The following JPH1 variants were observed in gnomAD, a reference collection of about 807,000 sequenced individuals.
JPH1 encodes junctophilin 1.
In JPH1, 12 loss-of-function variants were observed where a neutral mutation model predicts 53.6. That is an observed-to-expected ratio of 0.22 (90% CI 0.14 to 0.36). The LOEUF is 0.36. Among genes scored for constraint, JPH1 ranks in the 10% least tolerant of loss-of-function variants. JPH1 has a pLI of 1.00. For synonymous variants in JPH1, 375 were observed against 363.8 expected (o/e 1.03, Z -0.35); for missense variants, 808 against 905.5 (o/e 0.89, Z 1.38).
chr8:74,300,931 G>GC (rs1218543285), intron 2 of JPH1, among the ~76,000 whole-genome samples: 3 of 151,972 alleles, frequency 2.0e-5, no homozygotes, highest in Admixed American at 1.3e-4. Context: ...AGCCTTACTG[G>GC]CCCCCCGCCC....
intron 2 of JPH1, among the ~76,000 whole-genome samples, chr8:74,304,706 A>G (rs1195689595): frequency 2.0e-5 from 3 of 152,242 alleles, no homozygotes; most frequent in African/African-American, 7.2e-5. Context: ...TATTGATTCA[A>G]TATAGTAAAA....
At position 74,259,451 on chromosome 8, in the gene JPH1, C is replaced by G; in HGVS notation, c.1192G>C (p.Ala398Pro). The G allele has an allele frequency of 6.2e-7, 1 of 1,613,286 alleles. No homozygotes were observed. Among genetic ancestry groups the G allele is most frequent in the Non-Finnish European group, 8.5e-7 (1 of 1,179,614 alleles). ...CTCGCGATGTCGCACTCCTGGCGAG[C>G]GGCCAGCGCGGCCTGGTCGGCGGCA... ...ADAADQAALA[A>P]RQECDIARAV... The change falls in exon 3 of 6, where the codon GCT (alanine) becomes CCT (proline). Residue 398 changes from alanine (A) to proline (P), a missense_variant. By Grantham distance (27) the Ala-to-Pro change is conservative. Coordinates refer to ENST00000342232, the MANE Select transcript of JPH1 (RefSeq NM_020647.4).
chr8:74,277,691 A>T (rs1806887605), intron 2 of JPH1, among the ~76,000 whole-genome samples: 1 of 152,232 alleles, frequency 6.6e-6, no homozygotes, highest in African/African-American at 2.4e-5. Context: ...GAATAGTGGT[A>T]GAACCCACCT....
chr8:74,317,932 T>G (rs1481838903), intron 1 of JPH1, among the ~76,000 whole-genome samples: 2 of 152,170 alleles, frequency 1.3e-5, no homozygotes, highest in African/African-American at 4.8e-5. Context: ...AAGTCTCTGC[T>G]TAACTGTCAA....
intron 4 of JPH1, 67 bp downstream of exon 4, chr8:74,244,462 C>T (rs527545944): frequency 2.7e-6 from 4 of 1,504,542 alleles, no homozygotes; most frequent in East Asian, 2.3e-5. Flanking sequence ...TGCACAGTCA[C>T]CCCACACAGC....
At position 74,288,242 on chromosome 8, in the gene JPH1, C is replaced by T. The variant is rs115494695; in HGVS notation, c.1139+26619G>A. ...TTTGGCGAGGACAGGTTTCATCTTC[C>T]CATCCTCCGTGGGTTGCTAAGCCTC... On this transcript the variant is annotated intron_variant, in intron 2 of 5. Coordinates refer to ENST00000342232, the MANE Select transcript of JPH1 (RefSeq NM_020647.4). Among the ~76,000 whole-genome samples the T allele has an allele frequency of 6.1e-3, 925 of 152,274 alleles. 14 individuals are homozygous for T. The highest frequency in any genetic ancestry group is 0.02 in the African/African-American group (841 of 41,540).
intron 2 of JPH1, among the ~76,000 whole-genome samples, chr8:74,292,742 T>C (rs776255987): frequency 2.0e-5 from 3 of 152,206 alleles, no homozygotes; most frequent in Non-Finnish European, 4.4e-5. Flanking sequence ...CTATTTCTTC[T>C]GAACAGGTTG....
At chr8:74,245,662 T>C (rs1202213822) in intron 3 of JPH1, among the ~76,000 whole-genome samples, 2 of 152,178 alleles carry the variant, frequency 1.3e-5, no homozygotes, top group South Asian at 4.1e-4. Context: ...TTTCTGAGGC[T>C]TAGGTTGCAC....
chr8:74,309,398 A>G (rs1043833464), intron 2 of JPH1, among the ~76,000 whole-genome samples: 3 of 152,178 alleles, frequency 2.0e-5, no homozygotes, highest in Admixed American at 6.5e-5. Context: ...GCGTGAGGCC[A>G]GCTCTCTCCC....
chr8:74,275,338 G>T (rs1806816843), intron 2 of JPH1, among the ~76,000 whole-genome samples: 1 of 152,094 alleles, frequency 6.6e-6, no homozygotes. Flanking sequence ...TTACTGGAGG[G>T]CACATGTTAC....
At position 74,320,533 on chromosome 8, in the gene JPH1, G is replaced by A. The variant is rs1241224739; in HGVS notation, c.379+376C>T. Among the ~76,000 whole-genome samples, 6 of 152,188 alleles carry A rather than the reference G, an allele frequency of 3.9e-5. No individual in the cohort carries two copies. The highest frequency in any genetic ancestry group is 3.9e-4 in the Admixed American group (6 of 15,286). On this transcript the variant is annotated intron_variant, in intron 1 of 5. Coordinates refer to ENST00000342232, the MANE Select transcript of JPH1 (RefSeq NM_020647.4). The surrounding 1 kb of genome is among the most constrained non-coding windows in gnomAD (Gnocchi z 4.4). Reference sequence around the variant, plus strand: ...GTGGCGATTTCAAACCCGGCCGGGAGAGGGAGGGATCAGGAACGTAATGTG... The same window carrying A: ...GTGGCGATTTCAAACCCGGCCGGGAAAGGGAGGGATCAGGAACGTAATGTG...
chr8:74,304,893 A>G (rs899159442), intron 2 of JPH1, among the ~76,000 whole-genome samples: 4 of 152,236 alleles, frequency 2.6e-5, no homozygotes, highest in African/African-American at 9.6e-5. Flanking sequence ...TTGACTTCAA[A>G]GAGTTGTACT....
At chr8:74,256,090 C>A (rs1292576052) in intron 3 of JPH1, among the ~76,000 whole-genome samples, 1 of 152,124 alleles carries the variant, frequency 6.6e-6, no homozygotes, top group African/African-American at 2.4e-5. Flanking sequence ...GTCACATGCA[C>A]ACGTATGTTT....
At chr8:74,244,018 T>C (rs1468463004) in intron 4 of JPH1, among the ~76,000 whole-genome samples, 3 of 152,214 alleles carry the variant, frequency 2.0e-5, no homozygotes, top group East Asian at 3.8e-4. Context: ...GCCTGGCTAA[T>C]TAAAGTCCAA....
intron 2 of JPH1, among the ~76,000 whole-genome samples, chr8:74,309,580 ATTCT>A (rs1807930990): frequency 6.6e-6 from 1 of 152,208 alleles, no homozygotes; most frequent in South Asian, 2.1e-4. Flanking sequence ...ATGCCTTAAG[ATTCT>A]TTCTTTAAAT....
chr8:74,275,632 C>T (rs991663600), intron 2 of JPH1, among the ~76,000 whole-genome samples: 4 of 152,186 alleles, frequency 2.6e-5, no homozygotes, highest in Non-Finnish European at 5.9e-5. Context: ...CGTAACTATG[C>T]AGAACTGCAC....
chr8:74,295,886 C>A (rs931720890), intron 2 of JPH1, among the ~76,000 whole-genome samples: 1 of 152,102 alleles, frequency 6.6e-6, no homozygotes, highest in Non-Finnish European at 1.5e-5. Context: ...TTAGCTCAAA[C>A]CACTCAGGCG....
In JPH1 at chr8:74,321,295, G is replaced by A; in HGVS notation, c.-8C>T. 2 of 1,544,944 alleles carry A rather than the reference G, an allele frequency of 1.3e-6. No homozygotes were observed. Among genetic ancestry groups the A allele is most frequent in the Non-Finnish European group, 8.7e-7 (1 of 1,145,896 alleles). ...GAACCTTCCGCCCGTCATTCGGGGG[G>A]CAGCCCCGGCGCGCTCCCCGCAGGG... On this transcript the variant is annotated 5_prime_UTR_variant, in exon 1 of 6. Coordinates refer to ENST00000342232, the MANE Select transcript of JPH1 (RefSeq NM_020647.4). The surrounding 1 kb of genome is among the most constrained non-coding windows in gnomAD (Gnocchi z 4.3).
At chr8:74,293,510 A>C (rs917816543) in intron 2 of JPH1, among the ~76,000 whole-genome samples, 1 of 152,244 alleles carries the variant, frequency 6.6e-6, no homozygotes, top group African/African-American at 2.4e-5. Context: ...AAGGCCACTT[A>C]AAGTGACAGA....
Sources: gnomAD v4.1 joint callset for allele counts (sites outside exome capture counted in the v4.1 genomes callset) on GRCh38, gnomAD v4.1.1 for gene constraint, Gnocchi (gnomAD v3.1) non-coding constraint, MANE v1.5 for transcripts, NCBI Gene and HGNC (gene_info 2026-07-23, HGNC 2026-07-21) for gene names.